The following ZFYVE28 variants were observed in gnomAD, a reference collection of about 807,000 sequenced individuals.
ZFYVE28 encodes the protein lateral signaling target protein 2 homolog.
ZFYVE28 carries 40 observed loss-of-function variants against 82.1 expected under a neutral mutation model. The ratio of observed to expected loss-of-function variants is 0.49; its 90% CI spans 0.38 to 0.63. The LOEUF (loss-of-function observed/expected upper bound fraction) is 0.63. Ranked by LOEUF, ZFYVE28 falls within the 30% of genes least tolerant of loss-of-function variation. The probability of loss-of-function intolerance (pLI) is 0.00; values close to 1 mark genes in which losing one functional copy is unlikely to be tolerated. For synonymous variants in ZFYVE28, 612 were observed against 546.1 expected (o/e 1.12, Z -1.68); for missense variants, 1,321 against 1,242.1 (o/e 1.06, Z -0.96).
At position 2,418,222 on chromosome 4, in the gene ZFYVE28, G is replaced by T; in HGVS notation, c.39+63C>A. ...GGAGTCCGTCTTGTAGGGCGGACGG[G>T]CGGTCCTGGGGAAGGGAGAGGCCGC... On this transcript the variant is annotated intron_variant, in intron 1 of 12. Transcript: ENST00000290974. This position sits in a 1 kb window ranked among gnomAD's most constrained non-coding sequence, Gnocchi z 4.6. 6.8e-7 allele frequency: 1 copy of T among 1,473,888 alleles called. No individual in the cohort carries two copies. Among genetic ancestry groups the T allele is most frequent in the Non-Finnish European group, 9.1e-7 (1 of 1,103,950 alleles). The allele number at this position is 1,473,888 out of a possible 1,614,324, so 91.3% of individuals were successfully genotyped here. A position where few individuals can be genotyped will look rare whatever the true frequency, so the allele number is the denominator to read the frequency against.
chr4:2,371,106 G>A (rs1241234534), intron 1 of ZFYVE28, among the ~76,000 whole-genome samples: 5 of 152,176 alleles, frequency 3.3e-5, no homozygotes, highest in East Asian at 1.9e-4. Flanking sequence ...GCAGGTGGGC[G>A]ACTTGGAGCT....
At chr4:2,401,534 C>T (rs577937946) in intron 1 of ZFYVE28, among the ~76,000 whole-genome samples, 1 of 152,184 alleles carries the variant, frequency 6.6e-6, no homozygotes, top group Non-Finnish European at 1.5e-5. Context: ...GTGCTACCTG[C>T]CCCACCCCAG....
chr4:2,304,476 T>C lies in ZFYVE28; in HGVS notation c.1864A>G (p.Asn622Asp), dbSNP rs531215793. Reference protein sequence around the residue: ...EAPPPSEDASNGREPKAPTSD... With the variant: ...EAPPPSEDASDGREPKAPTSD... Reference sequence around the variant, plus strand: ...GTGGGGGCTTTGGGCTCCCGCCCGTTGGAGGCATCTTCTGAGGGTGGGGGC... The same window carrying C: ...GTGGGGGCTTTGGGCTCCCGCCCGTCGGAGGCATCTTCTGAGGGTGGGGGC... The change falls in exon 8 of 13, where the codon AAC becomes GAC. Residue 622 changes from asparagine (N) to aspartate (D), a missense_variant. Around this residue, in one of 2 missense-constraint regions of ZFYVE28, gnomAD observed 978 missense variants for 833.7 expected, o/e 1.17. Transcript: ENST00000290974. The C allele has an allele frequency of 6.2e-7, 1 of 1,613,234 alleles. No individual in the cohort carries two copies. The highest frequency in any genetic ancestry group is 1.7e-5 in the Admixed American group (1 of 59,992).
intron 1 of ZFYVE28, among the ~76,000 whole-genome samples, chr4:2,399,792 C>T (rs1200359432): frequency 6.6e-6 from 1 of 152,216 alleles, no homozygotes; most frequent in East Asian, 1.9e-4. Context: ...GGAGCAGGGC[C>T]CGGGACACCA....
chr4:2,358,357 CCTGT>C (rs1725644224), intron 1 of ZFYVE28, among the ~76,000 whole-genome samples: 1 of 152,228 alleles, frequency 6.6e-6, no homozygotes, highest in South Asian at 2.1e-4. Context: ...GGGTGACATG[CCTGT>C]CTACTTGGCA....
At chr4:2,290,633 C>T (rs1019398248) in intron 8 of ZFYVE28, among the ~76,000 whole-genome samples, 2 of 152,220 alleles carry the variant, frequency 1.3e-5, no homozygotes, top group Admixed American at 6.5e-5. Context: ...CTGACGTCCA[C>T]GGCTCACCAG....
At chr4:2,321,561 G>T (rs985024146) in intron 6 of ZFYVE28, among the ~76,000 whole-genome samples, 1 of 151,986 alleles carries the variant, frequency 6.6e-6, no homozygotes, top group Non-Finnish European at 1.5e-5. Flanking sequence ...CTCCTTTGTG[G>T]CTCTTACATG....
chr4:2,361,507 G>T (rs569229617), intron 1 of ZFYVE28, among the ~76,000 whole-genome samples: 1 of 152,178 alleles, frequency 6.6e-6, no homozygotes, highest in Non-Finnish European at 1.5e-5. Flanking sequence ...TGGCCACCGG[G>T]CTCAGAGTTT....
At position 2,341,003 on chromosome 4, in the gene ZFYVE28, C is replaced by A. The variant is rs1722708152; in HGVS notation, c.318+475G>T. On this transcript the variant is annotated intron_variant, in intron 3 of 12. Coordinates refer to ENST00000290974, the MANE Select transcript of ZFYVE28 (RefSeq NM_020972.3). The surrounding 1 kb of genome is among the most constrained non-coding windows in gnomAD (Gnocchi z 4.5). ...GGCCTGGGGGAGACTGTTCCCGCCA[C>A]CTTGAAGGGCACCTTCCTCTCGGTG... is the stretch of plus-strand genomic sequence containing the variant. 6.6e-6 allele frequency among the ~76,000 whole-genome samples: 1 copy of A among 151,542 alleles called. No individual in the cohort carries two copies. Among genetic ancestry groups the A allele is most frequent in the Admixed American group, 6.6e-5 (1 of 15,246 alleles).
chr4:2,337,935 T>A (rs1226153975), intron 4 of ZFYVE28, among the ~76,000 whole-genome samples: 1 of 152,066 alleles, frequency 6.6e-6, no homozygotes, highest in Non-Finnish European at 1.5e-5. Flanking sequence ...ACACAGCTCC[T>A]GCCAGCCAGG....
In ZFYVE28 at chr4:2,289,899, A is replaced by T. The variant is rs1004557537; in HGVS notation, c.2051+14390T>A. On this transcript the variant is annotated intron_variant, in intron 8 of 12. Coordinates refer to ENST00000290974, the MANE Select transcript of ZFYVE28 (RefSeq NM_020972.3). ...GAACCTGAGTTCCCCTGAGCCCCCG[A>T]TCCTCATCACCCACAGGGGACAGCC... 3.4e-5 allele frequency among the ~76,000 whole-genome samples: 5 copies of T among 145,896 alleles called. No individual in the cohort carries two copies. The Admixed American group carries it at 3.5e-4, about 10-fold the overall frequency.
chr4:2,399,165 A>T (rs1730897983), intron 1 of ZFYVE28, among the ~76,000 whole-genome samples: 1 of 97,602 alleles, frequency 1.0e-5, no homozygotes, highest in Middle Eastern at 4.7e-3. Context: ...GTGGGGTGAG[A>T]TCGAGGGCAC....
At chr4:2,337,931 C>T (rs1250234615) in intron 4 of ZFYVE28, among the ~76,000 whole-genome samples, 1 of 152,032 alleles carries the variant, frequency 6.6e-6, no homozygotes, top group African/African-American at 2.4e-5. Context: ...TAGTACACAG[C>T]TCCTGCCAGC....
chr4:2,335,853 G>A lies in ZFYVE28; in HGVS notation c.612-59C>T. 1.4e-6 allele frequency: 2 copies of A among 1,455,408 alleles called. No individual in the cohort carries two copies. The highest frequency in any genetic ancestry group is 1.2e-5 in the South Asian group (1 of 82,058). The allele number at this position is 1,455,408 out of a possible 1,614,324, so 90.2% of individuals were successfully genotyped here. ...GGCTGGCCCACCACAGCCACAGGTT[G>A]GACCCCAGCAGGGACAGGCAGTGCG... On this transcript the variant is annotated intron_variant, in intron 5 of 12. Coordinates refer to ENST00000290974, the MANE Select transcript of ZFYVE28 (RefSeq NM_020972.3). This position sits in a 1 kb window ranked among gnomAD's most constrained non-coding sequence, Gnocchi z 5.8.
intron 1 of ZFYVE28, among the ~76,000 whole-genome samples, chr4:2,389,743 G>A (rs1297669770): frequency 2.0e-5 from 3 of 152,196 alleles, no homozygotes; most frequent in Non-Finnish European, 2.9e-5. Context: ...GGGTGACAAA[G>A]CAGCCCCAAA....
chr4:2,343,432 A>G (rs1035516633), intron 2 of ZFYVE28: 3 of 152,214 alleles, frequency 2.0e-5, no homozygotes, highest in African/African-American at 7.2e-5. Context: ...ATCATGCACT[A>G]AACTCTGAAG....
Position 2,276,154 on chromosome 4 carries a change from G to A in ZFYVE28, c.2052-1938C>T, listed in dbSNP as rs535122932. Among the ~76,000 whole-genome samples, 3 of 152,342 alleles carry A rather than the reference G, an allele frequency of 2.0e-5. No homozygotes were observed. The South Asian group carries it at 6.2e-4, about 32-fold the overall frequency. On this transcript the variant is annotated intron_variant, in intron 8 of 12. Coordinates refer to ENST00000290974, the MANE Select transcript of ZFYVE28 (RefSeq NM_020972.3). ...AGCGGGCTGCGGCAGAGCGGGGGAG[G>A]AGGCTGGAAGCGTCCCTGGAGCTGC...
chr4:2,308,675 A>AAGAAAGAAAGAAAGAG lies in ZFYVE28; in HGVS notation c.804-3140_804-3139insCTCTTTCTTTCTTTCT, dbSNP rs1200372952. ...AAAGAAAGAAAGAAAGAAAGAAAGAAAGAGAAAGAAAGAAAAGAAAAGAAA... is the reference window on the plus strand; with the variant it reads ...AAAGAAAGAAAGAAAGAAAGAAAGAAAGAAAGAAAGAAAGAGAGAGAAAGAAAGAAAAGAAAAGAAA... On this transcript the variant is annotated intron_variant, in intron 7 of 12. Coordinates refer to ENST00000290974, the MANE Select transcript of ZFYVE28 (RefSeq NM_020972.3). Among the ~76,000 whole-genome samples the AAGAAAGAAAGAAAGAG allele has an allele frequency of 2.7e-3, 254 of 93,202 alleles. 5 individuals carry two copies. The highest frequency in any genetic ancestry group is 9.8e-3 in the African/African-American group (234 of 23,826). The allele number at this position is 93,202 out of a possible 152,430, so 61.1% of individuals were successfully genotyped here.
intron 1 of ZFYVE28, among the ~76,000 whole-genome samples, chr4:2,405,452 C>T (rs555357691): frequency 4.5e-4 from 69 of 152,356 alleles, no homozygotes; most frequent in African/African-American, 1.5e-3. Flanking sequence ...TGCTGATGGT[C>T]GACTGATGGG....
Sources: allele counts gnomAD v4.1 joint callset (sites outside exome capture counted in the v4.1 genomes callset), GRCh38; gene constraint gnomAD v4.1.1; regional missense constraint gnomAD v4.1.1; non-coding constraint Gnocchi (gnomAD v3.1); transcripts MANE v1.5; gene names NCBI Gene and HGNC (gene_info 2026-07-23, HGNC 2026-07-21).